ZDHHC8: variants seen among roughly 807,000 people sequenced by gnomAD.
ZDHHC8 encodes the protein zDHHC palmitoyltransferase 8.
ZDHHC8 carries 24 observed loss-of-function variants against 61.2 expected under a neutral mutation model. The ratio of observed to expected loss-of-function variants is 0.39; its 90% CI spans 0.28 to 0.55. The LOEUF (loss-of-function observed/expected upper bound fraction) is 0.55, where lower values mean the gene tolerates loss of function less well. ZDHHC8 is among the 20% of genes least tolerant of loss of function. The pLI is 0.60. For missense variants in ZDHHC8, 935 were observed against 1,102.1 expected, an observed-to-expected ratio of 0.85 and a Z score of 2.15; for synonymous variants, 523 against 492.5, an observed-to-expected ratio of 1.06 and a Z score of -0.82.
At position 20,147,420 on chromosome 22, in the gene ZDHHC8, C is replaced by G; in HGVS notation, c.*2020C>G. 1.8e-6 allele frequency: 1 copy of G among 560,386 alleles called. No individual in the cohort carries two copies. Among genetic ancestry groups the G allele is most frequent in the Non-Finnish European group, 2.9e-6 (1 of 345,440 alleles). The allele number at this position is 560,386 out of a possible 1,614,324, so 34.7% of individuals were successfully genotyped here. A position where few individuals can be genotyped will look rare whatever the true frequency, so the allele number is the denominator to read the frequency against. On this transcript the variant is annotated 3_prime_UTR_variant, in exon 11 of 11. Transcript: ENST00000334554. ...GTCCACATGACCTCAGGGAGTCCCC[C>G]ACCTGCTGCAGGGGGTCCAGCACCC...
chr22:20,141,659 C>T, intron 9 of ZDHHC8, 129 bp downstream of exon 9: 1 of 788,802 alleles, frequency 1.3e-6, no homozygotes, highest in South Asian at 1.8e-5. Context: ...AGGCCACATC[C>T]CCTGAGGCCA....
chr22:20,139,939 G>A, intron 4 of ZDHHC8, 47 bp downstream of exon 4: 1 of 1,601,602 alleles, frequency 6.2e-7, no homozygotes, highest in Non-Finnish European at 8.5e-7. Context: ...ATGTGGACCG[G>A]GGACACGTTC....
intron 1 of ZDHHC8, among the ~76,000 whole-genome samples, chr22:20,135,681 C>T (rs1182514488): frequency 1.3e-5 from 2 of 152,182 alleles, no homozygotes; most frequent in African/African-American, 4.8e-5. Context: ...TCAGTGTGAG[C>T]CCCCCTGCTG....
At chr22:20,139,077 C>T (rs963933871) in intron 1 of ZDHHC8, 117 bp from the exon 2 acceptor site, 2 of 1,456,066 alleles carry the variant, frequency 1.4e-6, no homozygotes, top group Admixed American at 4.5e-5. Context: ...AGCCTCCCCA[C>T]TGCCTCTGAG....
chr22:20,138,147 A>T (rs924449848), intron 1 of ZDHHC8, among the ~76,000 whole-genome samples: 2 of 152,242 alleles, frequency 1.3e-5, no homozygotes, highest in South Asian at 2.1e-4. Context: ...AGTGGTAGGC[A>T]GCGCGTGGGC....
At position 20,139,587 on chromosome 22, in the gene ZDHHC8, C is replaced by T. The variant is rs143540548; in HGVS notation, c.336C>T (p.Tyr112=). ...RMKWCATCHF[Y]RPPRCSHCSV... Reference sequence around the variant, plus strand: ...AGTGGTGTGCCACGTGCCACTTCTACCGCCCGCCGCGCTGCTCCCACTGCA... The same window carrying T: ...AGTGGTGTGCCACGTGCCACTTCTATCGCCCGCCGCGCTGCTCCCACTGCA... The change falls in exon 3 of 11, where the codon TAC becomes TAT. Residue 112 remains tyrosine (Y), a synonymous_variant. Coordinates refer to ENST00000334554, the MANE Select transcript of ZDHHC8 (RefSeq NM_013373.4). 3.1e-5 allele frequency: 50 copies of T among 1,613,078 alleles called. No individual in the cohort carries two copies. In the African/African-American group the frequency reaches 3.9e-4, roughly 12 times the overall value.
intron 10 of ZDHHC8, among the ~76,000 whole-genome samples, chr22:20,144,856 A>T (rs999316515): frequency 1.3e-5 from 2 of 152,228 alleles, no homozygotes; most frequent in African/African-American, 4.8e-5. Flanking sequence ...AGCAGGAATG[A>T]GGCCAGGCAG....
In ZDHHC8 at chr22:20,145,315, C is replaced by T. The variant is rs772732198; in HGVS notation, c.2213C>T (p.Pro738Leu). The change falls in exon 11 of 11, where the codon CCA (proline) becomes CTA (leucine). Residue 738 changes from proline to leucine, a missense_variant. Pro to Leu is a moderately conservative substitution (Grantham distance 98). This residue lies in a region of ZDHHC8 where 692 missense variants were observed against 731.4 expected (regional missense o/e 0.95). Coordinates refer to ENST00000334554, the MANE Select transcript of ZDHHC8 (RefSeq NM_013373.4). ...LARLGPATGPPGPSASPTRHT... is the reference protein window; with the variant it reads ...LARLGPATGPLGPSASPTRHT... Reference sequence around the variant, plus strand: ...CGGCTGGGACCTGCCACCGGCCCCCCAGGGCCCTCTGCCAGCCCTACACGG... The same window carrying T: ...CGGCTGGGACCTGCCACCGGCCCCCTAGGGCCCTCTGCCAGCCCTACACGG... 3 of 1,598,554 alleles carry T rather than the reference C, an allele frequency of 1.9e-6. No homozygotes were observed. Among genetic ancestry groups the T allele is most frequent in the African/African-American group, 2.7e-5 (2 of 74,022 alleles).
chr22:20,138,662 A>G (rs2050441383), intron 1 of ZDHHC8, among the ~76,000 whole-genome samples: 1 of 152,124 alleles, frequency 6.6e-6, no homozygotes. Flanking sequence ...GACAAACTAA[A>G]AAGAAGGGGC....
At chr22:20,133,891 G>A (rs1243595688) in intron 1 of ZDHHC8, among the ~76,000 whole-genome samples, 1 of 152,212 alleles carries the variant, frequency 6.6e-6, no homozygotes, top group East Asian at 1.9e-4. Context: ...GGTGGCTGCA[G>A]CTGCTGGTTC....
rs753475836 is a variant in ZDHHC8, at chr22:20,143,478, C to T, written c.1848C>T (p.Phe616=). 27 of 1,600,128 alleles carry T rather than the reference C, an allele frequency of 1.7e-5. No homozygotes were observed. The highest frequency in any genetic ancestry group is 9.9e-5 in the South Asian group (9 of 90,892). Residue 616 remains phenylalanine (F), a synonymous_variant, in exon 10 of 11, where the codon TTC becomes TTT. Coordinates refer to ENST00000334554, the MANE Select transcript of ZDHHC8 (RefSeq NM_013373.4). ...ACGACCTTGTGGCTGGGCCCGGCTT[C>T]GGTGGCGCCCGCAACCCTGCCCTGC... The part of the protein sequence containing the change: ...SRDDLVAGPG[F]GGARNPALQT...
At chr22:20,138,509 C>T (rs1226460772) in intron 1 of ZDHHC8, among the ~76,000 whole-genome samples, 2 of 152,220 alleles carry the variant, frequency 1.3e-5, no homozygotes, top group Admixed American at 6.5e-5. Flanking sequence ...CTGCAGAGGG[C>T]AGCCTGGAGT....
At chr22:20,140,412 TG>T in intron 5 of ZDHHC8, 195 bp downstream of exon 5, 2 of 769,508 alleles carry the variant, frequency 2.6e-6, no homozygotes, top group Non-Finnish European at 4.1e-6. Context: ...GTGGACACTG[TG>T]GCCACCAGTG....
At chr22:20,136,897 G>A (rs2050425808) in intron 1 of ZDHHC8, among the ~76,000 whole-genome samples, 1 of 152,238 alleles carries the variant, frequency 6.6e-6, no homozygotes, top group African/African-American at 2.4e-5. Context: ...CTTCACACGT[G>A]TCTGTAGGTG....
At chr22:20,136,611 G>A (rs570562391) in intron 1 of ZDHHC8, among the ~76,000 whole-genome samples, 33 of 152,326 alleles carry the variant, frequency 2.2e-4, no homozygotes, top group African/African-American at 5.8e-4. Context: ...GTGTTCACGC[G>A]TGTTCACACA....
intron 1 of ZDHHC8, among the ~76,000 whole-genome samples, 169 bp from the exon 2 acceptor site, chr22:20,139,025 C>T (rs559499798): frequency 4.1e-4 from 63 of 152,308 alleles, no homozygotes; most frequent in African/African-American, 1.3e-3. Flanking sequence ...GGCCGTTACT[C>T]GAAGGAGCGA....
chr22:20,138,570 G>A (rs1194847779), intron 1 of ZDHHC8, among the ~76,000 whole-genome samples: 1 of 152,210 alleles, frequency 6.6e-6, no homozygotes, highest in Non-Finnish European at 1.5e-5. Context: ...AGTGCTGATG[G>A]CTGGGAAGAT....
At chr22:20,133,275 A>G (rs1247258008) in intron 1 of ZDHHC8, among the ~76,000 whole-genome samples, 1 of 148,456 alleles carries the variant, frequency 6.7e-6, no homozygotes, top group Non-Finnish European at 1.5e-5. Flanking sequence ...GGTGGGGGGC[A>G]GCCTGGGGAG....
intron 10 of ZDHHC8, among the ~76,000 whole-genome samples, chr22:20,144,003 C>T (rs1275160594): frequency 6.6e-6 from 1 of 152,198 alleles, no homozygotes; most frequent in Non-Finnish European, 1.5e-5. Context: ...AGCCCGACGA[C>T]TCGTTCTTCT....
Sources: allele counts gnomAD v4.1 joint callset (sites outside exome capture counted in the v4.1 genomes callset), GRCh38; gene constraint gnomAD v4.1.1; regional missense constraint gnomAD v4.1.1; transcripts MANE v1.5; gene names NCBI Gene and HGNC (gene_info 2026-07-23, HGNC 2026-07-21).